Variants in PROS1 observed in about 807,000 individuals in gnomAD.
PROS1 encodes the protein vitamin K-dependent protein S.
A neutral mutation model predicts 75.9 loss-of-function variants in PROS1; 29 were observed. That is an observed-to-expected ratio of 0.38 (90% CI 0.28 to 0.52). PROS1 has a LOEUF of 0.52. PROS1 is among the 20% of genes least tolerant of loss of function. The probability of loss-of-function intolerance (pLI) is 0.83; values close to 1 mark genes in which losing one functional copy is unlikely to be tolerated. For missense variants in PROS1, 680 were observed against 810.3 expected, an observed-to-expected ratio of 0.84 and a Z score of 1.95; for synonymous variants, 245 against 280.6, an observed-to-expected ratio of 0.87 and a Z score of 1.27.
intron 1 of PROS1, among the ~76,000 whole-genome samples, chr3:93,971,687 C>A (rs923738465): frequency 3.4e-4 from 50 of 146,548 alleles, no homozygotes; most frequent in African/African-American, 1.0e-3. Context: ...TAGCTGGGTG[C>A]GGTGCTAGAT....
intron 1 of PROS1, among the ~76,000 whole-genome samples, chr3:93,927,866 TA>T (rs1709043800): frequency 1.4e-5 from 2 of 140,306 alleles, no homozygotes; most frequent in South Asian, 4.5e-4. Flanking sequence ...TATATATATA[TA>T]TATATATGTG....
intron 3 of PROS1, among the ~76,000 whole-genome samples, chr3:93,917,722 G>C (rs1026522243): frequency 6.6e-6 from 1 of 152,164 alleles, no homozygotes; most frequent in Non-Finnish European, 1.5e-5. Flanking sequence ...GAGGGGCTTA[G>C]CACCCGGGCC....
At chr3:93,965,363 C>T (rs968307391) in intron 1 of PROS1, among the ~76,000 whole-genome samples, 1 of 152,192 alleles carries the variant, frequency 6.6e-6, no homozygotes, top group Admixed American at 6.5e-5. Context: ...CCTGATCCAG[C>T]GAGGCGCCCA....
Position 93,973,742 on chromosome 3 carries a change from A to C in PROS1, c.8T>G (p.Val3Gly). 6.2e-7 allele frequency: 1 copy of C among 1,612,782 alleles called. No homozygotes were observed. Among genetic ancestry groups the C allele is most frequent in the Non-Finnish European group, 8.5e-7 (1 of 1,179,488 alleles). Residue 3 changes from valine (V) to glycine (G), a missense_variant, in exon 1 of 15, where the codon GTC (valine) becomes GGC (glycine). Physicochemically the swap from Val to Gly is moderately radical, Grantham distance 109 (BLOSUM62 -3). Transcript: ENST00000394236. ...CAGCGCCCCGCAGCGCCCACCCAGG[A>C]CCCTCATTTCGAAGCGCGCGGAGGC... The part of the protein sequence containing the change: MR[V>G]LGGRCGALLA...
Position 93,973,817 on chromosome 3 carries a change from C to A in PROS1, c.-68G>T. 7.3e-7 allele frequency: 1 copy of A among 1,370,612 alleles called. No homozygotes were observed. Among genetic ancestry groups the A allele is most frequent in the Middle Eastern group, 2.5e-4 (1 of 3,986 alleles). The allele number at this position is 1,370,612 out of a possible 1,614,324, so 84.9% of individuals were successfully genotyped here. On this transcript the variant is annotated 5_prime_UTR_variant, in exon 1 of 15. Transcript: ENST00000394236. ...CGGCGGGGACCGGAGCGCTAGGCGC[C>A]GCGGAGCTGCGAGCCTGTGCGCCTC... is the stretch of plus-strand genomic sequence containing the variant.
chr3:93,964,549 G>A (rs572428711), intron 1 of PROS1, among the ~76,000 whole-genome samples: 37 of 152,218 alleles, frequency 2.4e-4, no homozygotes, highest in Admixed American at 9.2e-4. Context: ...CTCTGCTCTC[G>A]AACCCTATTT....
intron 1 of PROS1, among the ~76,000 whole-genome samples, chr3:93,963,917 G>T (rs1444928158): frequency 2.0e-5 from 3 of 152,026 alleles, no homozygotes; most frequent in Non-Finnish European, 4.4e-5. Flanking sequence ...CTTTTCTGTT[G>T]CAGGAAGTCA....
chr3:93,881,121 G>A (rs1708270253), intron 12 of PROS1, among the ~76,000 whole-genome samples: 1 of 152,056 alleles, frequency 6.6e-6, no homozygotes. Context: ...TAAGGAATTT[G>A]AAAACTGACC....
chr3:93,945,967 G>T (rs572313824), intron 1 of PROS1, among the ~76,000 whole-genome samples: 1 of 152,078 alleles, frequency 6.6e-6, no homozygotes, highest in African/African-American at 2.4e-5. Context: ...AAAGTCTCAG[G>T]ATACAAAATC....
intron 1 of PROS1, among the ~76,000 whole-genome samples, chr3:93,927,873 ATGTGTGTATGTG>A (rs1559941378): frequency 4.0e-4 from 50 of 124,138 alleles, no homozygotes; most frequent in Non-Finnish European, 5.4e-4. Flanking sequence ...ATATATATAT[ATGTGTGTATGTG>A]TATATATATA....
chr3:93,897,977 T>C (rs1261335330), intron 8 of PROS1, among the ~76,000 whole-genome samples: 1 of 152,078 alleles, frequency 6.6e-6, no homozygotes, highest in Non-Finnish European at 1.5e-5. Context: ...AAAGGGTACA[T>C]TAAAACTGCA....
At position 93,956,533 on chromosome 3, in the gene PROS1, TACAC is replaced by T. The variant is rs758070649; in HGVS notation, c.76+17137_76+17140del. ...CTCTGTCTCTCTCTCTCTCTCTCTC[TACAC>T]ACACACACACACACACACACACACA... On this transcript the variant is annotated intron_variant, in intron 1 of 14. Coordinates refer to ENST00000394236, the MANE Select transcript of PROS1 (RefSeq NM_000313.4). Among the ~76,000 whole-genome samples, 123 of 113,330 alleles carry T rather than the reference TACAC, an allele frequency of 1.1e-3. No individual in the cohort carries two copies. The East Asian group carries it at 0.013, about 12-fold the overall frequency. 74.3% of individuals were successfully genotyped at this position (113,330 alleles called of 152,430 possible). A position where few individuals can be genotyped will look rare whatever the true frequency, so the allele number is the denominator to read the frequency against.
intron 7 of PROS1, among the ~76,000 whole-genome samples, chr3:93,899,379 T>A (rs1708551093): frequency 6.6e-6 from 1 of 152,158 alleles, no homozygotes; most frequent in South Asian, 2.1e-4. Flanking sequence ...ATTGAATATG[T>A]TCTCATAAAA....
chr3:93,892,928 C>A lies in PROS1; in HGVS notation c.1155+5G>T. On this transcript the variant is annotated splice_donor_5th_base_variant and intron_variant, in intron 10 of 14. Transcript: ENST00000394236. ...GGAAGATATTGATGAAATCTGCAAA[C>A]GTACCATATTCCATAGACCATTATT... 6.2e-7 allele frequency: 1 copy of A among 1,607,984 alleles called. No individual in the cohort carries two copies. The highest frequency in any genetic ancestry group is 8.5e-7 in the Non-Finnish European group (1 of 1,176,248).
At chr3:93,942,066 T>G (rs1013678356) in intron 1 of PROS1, among the ~76,000 whole-genome samples, 4 of 152,104 alleles carry the variant, frequency 2.6e-5, no homozygotes, top group Non-Finnish European at 5.9e-5. Flanking sequence ...TTTCCCCATA[T>G]TTCCTTCTTT....
At chr3:93,910,797 T>C in intron 3 of PROS1, 92 bp from the exon 4 acceptor site, 1 of 975,746 alleles carries the variant, frequency 1.0e-6, no homozygotes, top group Non-Finnish European at 1.6e-6. Flanking sequence ...GTAGGACATT[T>C]ATGCTCCTGT....
chr3:93,967,274 A>C (rs1246461820), intron 1 of PROS1, among the ~76,000 whole-genome samples: 2 of 152,234 alleles, frequency 1.3e-5, no homozygotes, highest in African/African-American at 4.8e-5. Flanking sequence ...CTCTTCCATC[A>C]TGGAGGAGCA....
chr3:93,935,448 C>T (rs946579547), intron 1 of PROS1, among the ~76,000 whole-genome samples: 1 of 152,082 alleles, frequency 6.6e-6, no homozygotes, highest in African/African-American at 2.4e-5. Context: ...GTTACAATTA[C>T]ATCAATATAT....
chr3:93,888,661 C>T (rs1021005917), intron 10 of PROS1, among the ~76,000 whole-genome samples: 16 of 152,116 alleles, frequency 1.1e-4, no homozygotes, highest in African/African-American at 3.9e-4. Context: ...AAAAATATAT[C>T]CAGAATCTGA....
Sources: allele counts gnomAD v4.1 joint callset (sites outside exome capture counted in the v4.1 genomes callset), GRCh38; gene constraint gnomAD v4.1.1; transcripts MANE v1.5; gene names NCBI Gene and HGNC (gene_info 2026-07-23, HGNC 2026-07-21).